NRXN3: variants seen among roughly 807,000 people sequenced by gnomAD.
NRXN3 encodes neurexin 3.
A neutral mutation model predicts 137.6 loss-of-function variants in NRXN3; 32 were observed. The observed-to-expected ratio is 0.23, with a 90% confidence interval of 0.18 to 0.31. The LOEUF (loss-of-function observed/expected upper bound fraction) is 0.31. Among genes scored for constraint, NRXN3 ranks in the 10% least tolerant of loss-of-function variants. NRXN3 has a pLI of 1.00. For synonymous variants in NRXN3, 798 were observed against 784.5 expected, an observed-to-expected ratio of 1.02 and a Z score of -0.29; for missense variants, 1,574 against 2,062.5, an observed-to-expected ratio of 0.76 and a Z score of 4.59.
rs374272121 is a variant in NRXN3 at position 79,385,299 on chromosome 14, A to C, written c.3263-81922A>C. On this transcript the variant is annotated intron_variant, in intron 15 of 20. Coordinates refer to ENST00000335750, the MANE Select transcript of NRXN3 (RefSeq NM_001330195.2). ...TGTTCAATTCCCACCTATGAGTGAG[A>C]ATATGTGGTGTTTGGTTTTTTGTTC... Among the ~76,000 whole-genome samples, 16 of 144,170 alleles carry C rather than the reference A, an allele frequency of 1.1e-4. No homozygotes were observed. The East Asian group carries it at 2.8e-3, about 26-fold the overall frequency. 94.6% of individuals were successfully genotyped at this position (144,170 alleles called of 152,430 possible).
intron 4 of NRXN3, among the ~76,000 whole-genome samples, chr14:78,368,318 G>A (rs929248872): frequency 2.0e-5 from 3 of 152,152 alleles, no homozygotes; most frequent in African/African-American, 4.8e-5. Context: ...ACTTGCAGGC[G>A]CAACACCAGA....
intron 11 of NRXN3, among the ~76,000 whole-genome samples, chr14:78,963,739 A>C (rs1396471171): frequency 1.3e-5 from 2 of 152,168 alleles, no homozygotes; most frequent in African/African-American, 4.8e-5. Flanking sequence ...ACTGCATAGA[A>C]GCTCATAACA....
chr14:78,774,327 C>T (rs2098738288), intron 8 of NRXN3, among the ~76,000 whole-genome samples: 1 of 152,138 alleles, frequency 6.6e-6, no homozygotes, highest in African/African-American at 2.4e-5. Context: ...TCCTAAGAAT[C>T]TAATATCCCA....
intron 15 of NRXN3, among the ~76,000 whole-genome samples, chr14:79,229,143 C>T (rs911869241): frequency 7.9e-5 from 12 of 152,086 alleles, no homozygotes; most frequent in African/African-American, 2.9e-4. Flanking sequence ...CAGCATTATA[C>T]TTGCTTGAGT....
chr14:79,177,266 A>C (rs368484610), intron 15 of NRXN3, among the ~76,000 whole-genome samples: 3 of 152,196 alleles, frequency 2.0e-5, no homozygotes, highest in South Asian at 4.1e-4. Context: ...ATAAATATGC[A>C]TGAGCTGTTG....
In NRXN3 at chr14:79,494,827, G is replaced by C. The variant is rs138423396; in HGVS notation, c.3444+27425G>C. On this transcript the variant is annotated intron_variant, in intron 16 of 20. Transcript: ENST00000335750. ...ACATCTGTACAATACAATTTGCTCA[G>C]ATAATCCCAGTTTTTCCACTACTGT... Among the ~76,000 whole-genome samples, 90 of 152,252 alleles carry C rather than the reference G, an allele frequency of 5.9e-4. 1 individual carries two copies. The highest frequency in any genetic ancestry group is 1.0e-3 in the Non-Finnish European group (68 of 68,010).
At chr14:78,660,900 C>G (rs1366683267) in intron 6 of NRXN3, among the ~76,000 whole-genome samples, 1 of 152,136 alleles carries the variant, frequency 6.6e-6, no homozygotes, top group Non-Finnish European at 1.5e-5. Flanking sequence ...CAGGGAAAGA[C>G]AGACAAAAGT....
chr14:79,748,920 T>C (rs1331507515), intron 19 of NRXN3, among the ~76,000 whole-genome samples: 1 of 150,236 alleles, frequency 6.7e-6, no homozygotes, highest in Non-Finnish European at 1.5e-5. Flanking sequence ...AAAAAAAAAG[T>C]CAAGCAGGCT....
At chr14:78,632,519 A>G (rs1046752124) in intron 4 of NRXN3, among the ~76,000 whole-genome samples, 2 of 152,224 alleles carry the variant, frequency 1.3e-5, no homozygotes, top group South Asian at 2.1e-4. Context: ...GATCTAATGG[A>G]AAGCATATAG....
At chr14:79,718,235 T>C (rs2154059062) in intron 19 of NRXN3, among the ~76,000 whole-genome samples, 1 of 152,206 alleles carries the variant, frequency 6.6e-6, no homozygotes, top group East Asian at 1.9e-4. Context: ...GGGAAGAACA[T>C]TTACAGCAGA....
intron 15 of NRXN3, among the ~76,000 whole-genome samples, chr14:79,459,821 A>G (rs185612951): frequency 4.6e-4 from 70 of 152,156 alleles, no homozygotes; most frequent in Admixed American, 9.8e-4. Context: ...AATTGTCCCA[A>G]AGGAAAAACA....
At chr14:79,710,706 G>A (rs2098800392) in intron 19 of NRXN3, among the ~76,000 whole-genome samples, 2 of 151,872 alleles carry the variant, frequency 1.3e-5, no homozygotes, top group African/African-American at 4.9e-5. Context: ...AAAAATATTT[G>A]AGTTATTTGA....
chr14:79,081,462 A>G (rs1015316943), intron 15 of NRXN3, among the ~76,000 whole-genome samples: 5 of 152,032 alleles, frequency 3.3e-5, no homozygotes, highest in Admixed American at 3.3e-4. Context: ...AAAATACAAA[A>G]AAGCAGCCAG....
intron 8 of NRXN3, among the ~76,000 whole-genome samples, chr14:78,761,342 T>G (rs7144393): frequency 0.32 from 48,688 of 152,092 alleles, 11,709 homozygotes; most frequent in African/African-American, 0.68. Flanking sequence ...AATGATTCCT[T>G]GGCTACCAGT....
chr14:79,425,067 A>G (rs983319151), intron 15 of NRXN3, among the ~76,000 whole-genome samples: 1 of 152,222 alleles, frequency 6.6e-6, no homozygotes, highest in Non-Finnish European at 1.5e-5. Context: ...GCCATAGCTT[A>G]GGGGTTAAAC....
Position 79,825,613 on chromosome 14 carries a change from A to T in NRXN3, c.4093+20423A>T, listed in dbSNP as rs189493015. On this transcript the variant is annotated intron_variant, in intron 20 of 20. Transcript: ENST00000335750. Reference sequence around the variant, plus strand: ...CTTTAACTTTTCTCAATAAGTAAATAAAACTGTCTTTTCTAGAGTCCAACA... The same window carrying T: ...CTTTAACTTTTCTCAATAAGTAAATTAAACTGTCTTTTCTAGAGTCCAACA... Among the ~76,000 whole-genome samples the T allele has an allele frequency of 6.4e-4, 97 of 152,338 alleles. No individual in the cohort carries two copies. The East Asian group carries it at 0.015, about 24-fold the overall frequency.
chr14:79,451,083 A>G (rs1216871837), intron 15 of NRXN3, among the ~76,000 whole-genome samples: 2 of 151,846 alleles, frequency 1.3e-5, no homozygotes, highest in East Asian at 1.9e-4. Context: ...GCAAATGAGG[A>G]CACAAATGGT....
chr14:78,585,916 CATT>C (rs2097057713), intron 4 of NRXN3, among the ~76,000 whole-genome samples: 1 of 152,140 alleles, frequency 6.6e-6, no homozygotes, highest in Non-Finnish European at 1.5e-5. Flanking sequence ...ATTTGAGAAT[CATT>C]AGCATACACA....
intron 15 of NRXN3, among the ~76,000 whole-genome samples, chr14:79,125,501 TCTC>T (rs2056243692): frequency 6.6e-6 from 1 of 152,092 alleles, no homozygotes; most frequent in Non-Finnish European, 1.5e-5. Context: ...CAGGAAGCAT[TCTC>T]CTCCCTTCAT....
Sources: allele counts gnomAD v4.1 joint callset (sites outside exome capture counted in the v4.1 genomes callset), GRCh38; gene constraint gnomAD v4.1.1; transcripts MANE v1.5; gene names NCBI Gene and HGNC (gene_info 2026-07-23, HGNC 2026-07-21).